The following NPAS2 variants were observed in gnomAD, a reference collection of about 807,000 sequenced individuals.
NPAS2 encodes the protein neuronal PAS domain protein 2, also known as neuronal PAS domain-containing protein 2.
NPAS2 carries 23 observed loss-of-function variants against 107.5 expected under a neutral mutation model. The observed-to-expected ratio is 0.21, with a 90% CI of 0.15 to 0.30. The LOEUF (loss-of-function observed/expected upper bound fraction) is 0.30, where lower values mean the gene tolerates loss of function less well. Among genes scored for constraint, NPAS2 ranks in the 10% least tolerant of loss-of-function variants. The pLI is 1.00. For missense variants in NPAS2, 756 were observed against 1,043.3 expected (o/e 0.72, Z 3.79); for synonymous variants, 403 against 417.5 (o/e 0.97, Z 0.42).
intron 15 of NPAS2, among the ~76,000 whole-genome samples, chr2:100,981,851 C>T (rs1677463041): frequency 6.6e-6 from 1 of 152,194 alleles, no homozygotes; most frequent in Non-Finnish European, 1.5e-5. Context: ...TCTCTGATGT[C>T]CTGCTTTTGA....
At chr2:100,866,960 A>G (rs58228575) in intron 1 of NPAS2, among the ~76,000 whole-genome samples, 1 of 152,190 alleles carries the variant, frequency 6.6e-6, no homozygotes, top group Non-Finnish European at 1.5e-5. Flanking sequence ...CATTAAGCAC[A>G]CCATTTTAAA....
chr2:100,840,758 C>A (rs1226576090), intron 1 of NPAS2, among the ~76,000 whole-genome samples: 3 of 152,040 alleles, frequency 2.0e-5, no homozygotes, highest in Non-Finnish European at 4.4e-5. Context: ...ACATTGAGAA[C>A]CATATCCATC....
intron 1 of NPAS2, among the ~76,000 whole-genome samples, chr2:100,881,310 G>T (rs931508073): frequency 1.3e-5 from 2 of 152,210 alleles, no homozygotes; most frequent in African/African-American, 4.8e-5. Context: ...GGAATGCAGC[G>T]TCTCCCCTCC....
At chr2:100,902,621 A>AATGG (rs1681859836) in intron 1 of NPAS2, among the ~76,000 whole-genome samples, 1 of 152,184 alleles carries the variant, frequency 6.6e-6, no homozygotes, top group Non-Finnish European at 1.5e-5. Context: ...AGAGATCTGG[A>AATGG]ATGGATGGTG....
At chr2:100,913,639 CCT>C (rs1020761303) in intron 2 of NPAS2, among the ~76,000 whole-genome samples, 15 of 152,118 alleles carry the variant, frequency 9.9e-5, no homozygotes, top group African/African-American at 1.4e-4. Flanking sequence ...GTTTTTCCCC[CCT>C]CTTTTCTCTT....
intron 1 of NPAS2, among the ~76,000 whole-genome samples, chr2:100,871,580 C>T (rs1679591415): frequency 6.6e-6 from 1 of 152,072 alleles, no homozygotes; most frequent in Admixed American, 6.6e-5. Flanking sequence ...ATCTGCCCGC[C>T]TTATCCTCCC....
chr2:100,898,017 A>G (rs1264165615), intron 1 of NPAS2, among the ~76,000 whole-genome samples: 1 of 152,210 alleles, frequency 6.6e-6, no homozygotes, highest in Non-Finnish European at 1.5e-5. Flanking sequence ...AGACCTGCAC[A>G]TTGTTAGTTT....
Position 100,970,986 on chromosome 2 carries a change from A to G in NPAS2, c.1056-4A>G, listed in dbSNP as rs2105194795. ...CCACTGTGGTCTCTTAATTTCCTGT[A>G]CAGTTACGCAGATGTCCGGGTGGAA... On this transcript the variant is annotated splice_region_variant and splice_polypyrimidine_tract_variant and intron_variant, in intron 11 of 20. Coordinates refer to ENST00000335681, the MANE Select transcript of NPAS2 (RefSeq NM_002518.4). The G allele has an allele frequency of 6.2e-7, 1 of 1,613,808 alleles. No homozygotes were observed. The highest frequency in any genetic ancestry group is 8.5e-7 in the Non-Finnish European group (1 of 1,179,824).
chr2:100,968,604 C>T lies in NPAS2; in HGVS notation c.1055+176C>T, dbSNP rs75670290. On this transcript the variant is annotated intron_variant, in intron 11 of 20. Coordinates refer to ENST00000335681, the MANE Select transcript of NPAS2 (RefSeq NM_002518.4). The surrounding 1 kb of genome is among the most constrained non-coding windows in gnomAD (Gnocchi z 5.3). ...ACAGCACAATTCCCAGAGCTCAGCT[C>T]GCTTCCAGGCACCACTGGCTCTGCC... is the stretch of plus-strand genomic sequence containing the variant. Among the ~76,000 whole-genome samples, 2,429 of 152,262 alleles carry T rather than the reference C, an allele frequency of 0.016. 66 individuals are homozygous for T. Among genetic ancestry groups the T allele is most frequent in the African/African-American group, 0.054 (2,239 of 41,540 alleles).
chr2:100,967,447 C>T (rs928877655), intron 10 of NPAS2, among the ~76,000 whole-genome samples: 1 of 151,756 alleles, frequency 6.6e-6, no homozygotes, highest in South Asian at 2.1e-4. Context: ...AGGATGGTCT[C>T]GATCTCCTGA....
intron 1 of NPAS2, among the ~76,000 whole-genome samples, chr2:100,870,823 T>A (rs148508906): frequency 6.6e-5 from 10 of 152,322 alleles, no homozygotes; most frequent in Non-Finnish European, 1.3e-4. Flanking sequence ...ACAGATATGC[T>A]TGTGGCAAGC....
chr2:100,970,217 G>T (rs1676458301), intron 11 of NPAS2, among the ~76,000 whole-genome samples: 1 of 152,182 alleles, frequency 6.6e-6, no homozygotes, highest in Non-Finnish European at 1.5e-5. Context: ...CCTACCCCCA[G>T]GGAAGGCTGG....
In NPAS2 at chr2:100,968,480, G is replaced by A. The variant is rs1676360156; in HGVS notation, c.1055+52G>A. On this transcript the variant is annotated intron_variant, in intron 11 of 20. Transcript: ENST00000335681. The surrounding 1 kb of genome is among the most constrained non-coding windows in gnomAD (Gnocchi z 5.3). ...TGCGTCCTTGTCGCACCTGGGGGAG[G>A]GGTGCAGGATGGCGTGGCCCCTGAT... is the stretch of plus-strand genomic sequence containing the variant. The A allele has an allele frequency of 6.3e-7, 1 of 1,590,112 alleles. No individual in the cohort carries two copies. Among genetic ancestry groups the A allele is most frequent in the Non-Finnish European group, 8.6e-7 (1 of 1,164,376 alleles).
intron 1 of NPAS2, among the ~76,000 whole-genome samples, chr2:100,834,847 A>T (rs1676959076): frequency 6.6e-6 from 1 of 152,134 alleles, no homozygotes; most frequent in Non-Finnish European, 1.5e-5. Flanking sequence ...GGCATGCGCC[A>T]CCATGCCCAG....
chr2:100,975,489 C>T lies in NPAS2; in HGVS notation c.1314C>T (p.Ser438=). 1.9e-6 allele frequency: 3 copies of T among 1,613,478 alleles called. No homozygotes were observed. Among genetic ancestry groups the T allele is most frequent in the African/African-American group, 1.3e-5 (1 of 75,046 alleles). ...STPTKLMAEA[S]TPALPRSATL... ...CCACCAAGCTGATGGCAGAGGCCAGCACCCCGGCTTTGCCAAGATCAGCCA... is the reference window on the plus strand; with the variant it reads ...CCACCAAGCTGATGGCAGAGGCCAGTACCCCGGCTTTGCCAAGATCAGCCA... The change falls in exon 14 of 21, where the codon AGC becomes AGT. Residue 438 remains serine (S), a synonymous_variant. Transcript: ENST00000335681.
In NPAS2 at chr2:100,965,749, C is replaced by T; in HGVS notation, c.890C>T (p.Ala297Val). 1.2e-6 allele frequency: 2 copies of T among 1,612,498 alleles called. No homozygotes were observed. Among genetic ancestry groups the T allele is most frequent in the South Asian group, 2.2e-5 (2 of 91,012 alleles). The change falls in exon 10 of 21, where the codon GCC becomes GTC. Residue 297 changes from alanine (A) to valine (V), a missense_variant. Coordinates refer to ENST00000335681, the MANE Select transcript of NPAS2 (RefSeq NM_002518.4). The surrounding 1 kb of genome is among the most constrained non-coding windows in gnomAD (Gnocchi z 4.3). The part of the protein sequence containing the change: ...YYHIDDLELL[A>V]RCHQHLMQFG... ...CACATTGATGACCTGGAGCTCCTGG[C>T]CAGGTGTCACCAGCACCGTGAGTAC... is the stretch of plus-strand genomic sequence containing the variant.
intron 2 of NPAS2, among the ~76,000 whole-genome samples, chr2:100,924,720 C>T (rs1287294049): frequency 2.0e-5 from 3 of 147,910 alleles, no homozygotes; most frequent in Non-Finnish European, 4.6e-5. Flanking sequence ...CACGGGATAC[C>T]TGGCCACCCC....
chr2:100,946,531 G>A (rs1674909820), intron 5 of NPAS2, among the ~76,000 whole-genome samples: 1 of 152,212 alleles, frequency 6.6e-6, no homozygotes, highest in South Asian at 2.1e-4. Context: ...AGGCTCGGAA[G>A]GATTAGAGAA....
At chr2:100,857,044 G>A (rs965806667) in intron 1 of NPAS2, among the ~76,000 whole-genome samples, 5 of 152,108 alleles carry the variant, frequency 3.3e-5, no homozygotes, top group Non-Finnish European at 7.4e-5. Flanking sequence ...AGTGGCTTAC[G>A]CCTATAATCC....
Sources: allele counts gnomAD v4.1 joint callset (sites outside exome capture counted in the v4.1 genomes callset), GRCh38; gene constraint gnomAD v4.1.1; non-coding constraint Gnocchi (gnomAD v3.1); transcripts MANE v1.5; gene names NCBI Gene and HGNC (gene_info 2026-07-23, HGNC 2026-07-21).